Variants in TENM1 observed in about 807,000 individuals in gnomAD.
TENM1 encodes the protein teneurin-1.
Under a neutral mutation model 174.8 loss-of-function variants are expected in TENM1, and 35 were observed. That is an observed-to-expected ratio of 0.20 (90% CI 0.15 to 0.27). The LOEUF (loss-of-function observed/expected upper bound fraction) is 0.27. Among genes scored for constraint, TENM1 ranks in the 10% least tolerant of loss-of-function variants. The probability of loss-of-function intolerance (pLI) is 1.00; values close to 1 mark genes in which losing one functional copy is unlikely to be tolerated. For synonymous variants in TENM1, 781 were observed against 798.7 expected (o/e 0.98, Z 0.37); for missense variants, 1,633 against 2,130.1 (o/e 0.77, Z 4.59).
chrX:124,595,149 C>T (rs1425455248), intron 11 of TENM1, among the ~76,000 whole-genome samples: 10 of 112,158 alleles, frequency 8.9e-5, no homozygotes, highest in Non-Finnish European at 1.9e-4. Flanking sequence ...TTTTGTGCAT[C>T]TCTGAGCCAA....
chrX:124,981,303 T>C, the TENM1 span, among the ~76,000 whole-genome samples: 2 of 111,512 alleles, frequency 1.8e-5, no homozygotes, highest in East Asian at 2.8e-4. Flanking sequence ...TTGCCTCCCA[T>C]AAAGAGTATC....
chrX:125,112,269 TTTTG>T, the TENM1 span, among the ~76,000 whole-genome samples: 1 of 107,180 alleles, frequency 9.3e-6, no homozygotes, highest in African/African-American at 3.4e-5. Context: ...ACAACTAGAG[TTTTG>T]ATAAATATTG....
At chrX:124,939,922 A>G (rs1478984164) in intron 1 of TENM1, among the ~76,000 whole-genome samples, 2 of 112,300 alleles carry the variant, frequency 1.8e-5, no homozygotes, top group Admixed American at 9.4e-5. Context: ...AATAAAATAT[A>G]TCAATAGCCA....
At chrX:125,045,362 GTTC>G in the TENM1 span, among the ~76,000 whole-genome samples, 2 of 111,151 alleles carry the variant, frequency 1.8e-5, no homozygotes, top group Non-Finnish European at 3.8e-5. Flanking sequence ...CTAATGGTTA[GTTC>G]TTCTTCCTGA....
At chrX:124,646,938 A>T in intron 8 of TENM1, 128 bp from the exon 12 acceptor site, 1 of 442,803 alleles carries the variant, frequency 2.3e-6, no homozygotes, top group Non-Finnish European at 3.9e-6. Context: ...TGGAGCACTT[A>T]CTGCTCAAAA....
chrX:124,958,966 C>T (rs5911926), intron 1 of TENM1, among the ~76,000 whole-genome samples: 9,797 of 110,219 alleles, frequency 0.089, 512 homozygotes, highest in Admixed American at 0.25. Context: ...CATCTAGTAC[C>T]GTACCTGGTA....
At chrX:124,853,160 G>A (rs766619861) in intron 3 of TENM1, among the ~76,000 whole-genome samples, 2 of 111,639 alleles carry the variant, frequency 1.8e-5, no homozygotes, top group African/African-American at 6.5e-5. Context: ...ATAAGTCAAA[G>A]CATGTTAGAT....
At chrX:124,935,050 T>C (rs2058224937) in intron 1 of TENM1, among the ~76,000 whole-genome samples, 1 of 109,386 alleles carries the variant, frequency 9.1e-6, no homozygotes. Flanking sequence ...AGGATTAAAT[T>C]AATGCTTTGG....
At chrX:124,672,797 G>A (rs1017784417) in intron 5 of TENM1, among the ~76,000 whole-genome samples, 2 of 111,481 alleles carry the variant, frequency 1.8e-5, no homozygotes, top group African/African-American at 3.3e-5. Context: ...TATTCATAAG[G>A]TATCAAATGA....
chrX:124,892,791 T>C (rs974837560), intron 3 of TENM1, among the ~76,000 whole-genome samples: 4 of 112,110 alleles, frequency 3.6e-5, no homozygotes, highest in Admixed American at 9.5e-5. Flanking sequence ...TAACATTAAT[T>C]GAGCCACAGG....
the TENM1 span, among the ~76,000 whole-genome samples, chrX:124,988,598 G>T: frequency 3.6e-5 from 4 of 110,881 alleles, no homozygotes; most frequent in Non-Finnish European, 5.7e-5. Flanking sequence ...GACATCACAA[G>T]AAAAATAATT....
chrX:124,529,365 A>T (rs1039628817), intron 16 of TENM1, among the ~76,000 whole-genome samples: 7 of 111,868 alleles, frequency 6.3e-5, no homozygotes, highest in Non-Finnish European at 1.1e-4. Context: ...AGGATAAATC[A>T]CTATAATTAA....
chrX:124,959,295 GTC>G (rs1009767072), intron 1 of TENM1, among the ~76,000 whole-genome samples: 1 of 111,444 alleles, frequency 9.0e-6, no homozygotes, highest in Non-Finnish European at 1.9e-5. Flanking sequence ...CCTCCTAGGT[GTC>G]TCTACTGATT....
intron 18 of TENM1, among the ~76,000 whole-genome samples, chrX:124,517,485 A>T (rs2148033899): frequency 9.1e-6 from 1 of 109,544 alleles, no homozygotes; most frequent in Non-Finnish European, 1.9e-5. Flanking sequence ...TGCAGCCATA[A>T]AAAAGGATGA....
intron 3 of TENM1, among the ~76,000 whole-genome samples, chrX:124,891,706 A>G (rs1208814370): frequency 9.0e-6 from 1 of 110,824 alleles, no homozygotes; most frequent in Non-Finnish European, 1.9e-5. Context: ...CCTATTATGT[A>G]CCCATAACTA....
At chrX:124,862,884 G>A (rs2056939066) in intron 3 of TENM1, among the ~76,000 whole-genome samples, 1 of 107,043 alleles carries the variant, frequency 9.3e-6, no homozygotes, top group African/African-American at 3.4e-5. Context: ...TGCTTGAGGA[G>A]AGGAGAGGCA....
At chrX:124,871,753 T>G (rs989382185) in intron 3 of TENM1, among the ~76,000 whole-genome samples, 2 of 110,370 alleles carry the variant, frequency 1.8e-5, no homozygotes, top group African/African-American at 6.6e-5. Flanking sequence ...TACACCAAAT[T>G]AAAAGGTTAG....
chrX:124,896,170 G>T, exon 2 of TENM1: 1 of 1,211,225 alleles, frequency 8.3e-7, no homozygotes, highest in Non-Finnish European at 1.1e-6. Flanking sequence ...TGGTAGCCAT[G>T]CCGAGAAACG....
intron 11 of TENM1, among the ~76,000 whole-genome samples, chrX:124,614,745 T>C (rs2050358396): frequency 8.9e-6 from 1 of 112,054 alleles, no homozygotes; most frequent in Admixed American, 9.4e-5. Flanking sequence ...TAGCTGGGCG[T>C]GGTGGTGCAT....
Sources: gnomAD v4.1 joint callset for allele counts (sites outside exome capture counted in the v4.1 genomes callset) on GRCh38, gnomAD v4.1.1 for gene constraint, MANE v1.5 for transcripts, NCBI Gene and HGNC (gene_info 2026-07-23, HGNC 2026-07-21) for gene names.